The following TARS3 variants were observed in gnomAD, a reference collection of about 807,000 sequenced individuals.
TARS3 encodes the protein threonine--tRNA ligase 2, cytoplasmic.
In TARS3, 94 loss-of-function variants were observed where a neutral mutation model predicts 103.5. That is an observed-to-expected ratio of 0.91 (90% CI 0.77 to 1.08). The LOEUF (loss-of-function observed/expected upper bound fraction) is 1.08, where lower values mean the gene tolerates loss of function less well. Ranked by LOEUF, TARS3 falls within the 50% of genes least tolerant of loss-of-function variation. TARS3 has a pLI of 0.00. For synonymous variants in TARS3, 416 were observed against 355.4 expected (o/e 1.17, Z -1.92); for missense variants, 952 against 995.2 (o/e 0.96, Z 0.58).
intron 4 of TARS3, among the ~76,000 whole-genome samples, chr15:101,712,282 T>A (rs562290033): frequency 1.4e-3 from 213 of 152,254 alleles, no homozygotes; most frequent in Non-Finnish European, 2.4e-3. Flanking sequence ...TCTGTGCATG[T>A]CAGCCACGAG....
At chr15:101,675,201 G>C (rs1897971998) in intron 13 of TARS3, among the ~76,000 whole-genome samples, 1 of 152,132 alleles carries the variant, frequency 6.6e-6, no homozygotes, top group African/African-American at 2.4e-5. Context: ...GACTACGAAG[G>C]GGACTATGCA....
intron 11 of TARS3, 99 bp from the exon 12 acceptor site, chr15:101,684,336 A>C (rs1309003174): frequency 2.4e-5 from 29 of 1,201,178 alleles, no homozygotes; most frequent in Non-Finnish European, 3.1e-5. Context: ...AAGATTCATA[A>C]ACTCCTTATT....
chr15:101,721,444 C>T, intron 2 of TARS3, 122 bp from the exon 3 acceptor site: 1 of 662,768 alleles, frequency 1.5e-6, no homozygotes, highest in Non-Finnish European at 2.5e-6. Context: ...CCCAAGCTTA[C>T]CATGGTTTGA....
rs1485553708 is a variant in TARS3, at chr15:101,724,224, G to A, written c.164C>T (p.Ala55Val). 15 of 1,542,194 alleles carry A rather than the reference G, an allele frequency of 9.7e-6. No homozygotes were observed. Among genetic ancestry groups the A allele is most frequent in the East Asian group, 2.5e-5 (1 of 40,146 alleles). The change falls in exon 1 of 19, where the codon GCG becomes GTG. Residue 55 changes from alanine to valine, a missense_variant. Physicochemically the swap from Ala to Val is moderately conservative, Grantham distance 64 (BLOSUM62 0). Around this residue, in one of 2 missense-constraint regions of TARS3, gnomAD observed 412 missense variants for 364.2 expected, o/e 1.13. Coordinates refer to ENST00000335968, the MANE Select transcript of TARS3 (RefSeq NM_152334.3). ...AEGPCLTREV[A>V]QLRAENCDLR... ...GTCGCAGTTCTCGGCCCGGAGCTGC[G>A]CCACCTCCCGCGTGAGGCACGGCCC... is the stretch of plus-strand genomic sequence containing the variant.
intron 10 of TARS3, among the ~76,000 whole-genome samples, chr15:101,698,849 C>T (rs979008174): frequency 6.6e-6 from 1 of 152,152 alleles, no homozygotes; most frequent in Non-Finnish European, 1.5e-5. Context: ...AAGAATAGAA[C>T]ACTTTGGAAG....
At chr15:101,689,288 C>T (rs1025843056) in intron 10 of TARS3, among the ~76,000 whole-genome samples, 1 of 152,112 alleles carries the variant, frequency 6.6e-6, no homozygotes, top group Non-Finnish European at 1.5e-5. Flanking sequence ...TCAGTGGGAG[C>T]CCTGAAACCC....
intron 17 of TARS3, 86 bp downstream of exon 17, chr15:101,657,699 T>A: frequency 1.1e-6 from 1 of 885,088 alleles, no homozygotes; most frequent in South Asian, 1.9e-5. Flanking sequence ...TCTGCAATAT[T>A]TTAAAGCATG....
Position 101,654,330 on chromosome 15 carries a change from AT to A in TARS3, c.*251del, listed in dbSNP as rs1255468774. On this transcript the variant is annotated 3_prime_UTR_variant, in exon 19 of 19. Coordinates refer to ENST00000335968, the MANE Select transcript of TARS3 (RefSeq NM_152334.3). Reference sequence around the variant, plus strand: ...TTGTTTCACTTTCTCGATGAATAATATTTCCCCATTTAAGTTTCTCAAGGCA... The same window carrying A: ...TTGTTTCACTTTCTCGATGAATAATATTCCCCATTTAAGTTTCTCAAGGCA... 5.2e-6 allele frequency: 2 copies of A among 385,648 alleles called. No homozygotes were observed. The highest frequency in any genetic ancestry group is 9.1e-6 in the Non-Finnish European group (2 of 219,822). 23.9% of individuals were successfully genotyped at this position (385,648 alleles called of 1,614,324 possible). A position where few individuals can be genotyped will look rare whatever the true frequency, so the allele number is the denominator to read the frequency against.
At chr15:101,706,560 T>C (rs749483941) in intron 6 of TARS3, among the ~76,000 whole-genome samples, 38 of 152,356 alleles carry the variant, frequency 2.5e-4, no homozygotes, top group Non-Finnish European at 1.6e-4. Context: ...AGTACTGTTC[T>C]AGAAGATCTA....
intron 12 of TARS3, among the ~76,000 whole-genome samples, chr15:101,677,167 TACA>T (rs1057442287): frequency 7.2e-5 from 11 of 152,210 alleles, no homozygotes; most frequent in African/African-American, 2.7e-4. Context: ...TGGCCACCCT[TACA>T]ACATTTATTT....
In TARS3 at chr15:101,685,812, C is replaced by T. The variant is rs1357532205; in HGVS notation, c.1487+84G>A. On this transcript the variant is annotated intron_variant, in intron 11 of 18. Coordinates refer to ENST00000335968, the MANE Select transcript of TARS3 (RefSeq NM_152334.3). ...ACTCTTCAGATTAAAGGGACTCTTT[C>T]ATTCCACAAAGCATTAAAAGATAAT... 3 of 1,155,782 alleles carry T rather than the reference C, an allele frequency of 2.6e-6. No individual in the cohort carries two copies. In the African/African-American group the frequency reaches 4.7e-5, roughly 18 times the overall value. 71.6% of individuals were successfully genotyped at this position (1,155,782 alleles called of 1,614,324 possible).
intron 18 of TARS3, chr15:101,655,900 C>A: frequency 7.8e-7 from 1 of 1,288,804 alleles, no homozygotes; most frequent in South Asian, 1.2e-5. Flanking sequence ...CAGACCCATG[C>A]GAGCCAGCCA....
Position 101,654,060 on chromosome 15 carries a change from CCTTTGTCAGTAATCCAAT to C in TARS3, c.*504_*521del, listed in dbSNP as rs1218507013. Reference sequence around the variant, plus strand: ...ACACCAGATTCCACAAAACTGAATTCCTTTGTCAGTAATCCAATATTTAGCAGTAGCTGCTGCTTTTGT... The same window carrying C: ...ACACCAGATTCCACAAAACTGAATTCATTTAGCAGTAGCTGCTGCTTTTGT... On this transcript the variant is annotated 3_prime_UTR_variant, in exon 19 of 19. Transcript: ENST00000335968. The C allele has an allele frequency of 6.6e-6, 1 of 152,612 alleles. No individual in the cohort carries two copies. Among genetic ancestry groups the C allele is most frequent in the African/African-American group, 2.4e-5 (1 of 41,442 alleles). 9.5% of individuals were successfully genotyped at this position (152,612 alleles called of 1,614,324 possible).
Position 101,686,009 on chromosome 15 carries a change from G to A in TARS3, c.1374C>T (p.Asn458=), listed in dbSNP as rs1898459167. 6.2e-7 allele frequency: 1 copy of A among 1,613,794 alleles called. No individual in the cohort carries two copies. The highest frequency in any genetic ancestry group is 8.5e-7 in the Non-Finnish European group (1 of 1,179,790). Reference sequence around the variant, plus strand: ...GGCCTGAGGCTTCCCAGAGTTTACTGTTGTACATATTGGGAGAGAGCACCT... The same window carrying A: ...GGCCTGAGGCTTCCCAGAGTTTACTATTGTACATATTGGGAGAGAGCACCT... The part of the protein sequence containing the change: ...FTEVLSPNMY[N]SKLWEASGHW... The change falls in exon 11 of 19, where the codon AAC becomes AAT. Residue 458 remains asparagine, a synonymous_variant. Transcript: ENST00000335968.
At chr15:101,695,344 T>C (rs1350652663) in intron 10 of TARS3, among the ~76,000 whole-genome samples, 2 of 152,238 alleles carry the variant, frequency 1.3e-5, no homozygotes, top group Non-Finnish European at 2.9e-5. Context: ...TGTCATATAA[T>C]GGAATGGTGC....
At chr15:101,659,301 ATATT>A (rs994685614) in intron 16 of TARS3, among the ~76,000 whole-genome samples, 1 of 152,214 alleles carries the variant, frequency 6.6e-6, no homozygotes, top group Non-Finnish European at 1.5e-5. Context: ...GCATATTTAT[ATATT>A]TATTCTCAAA....
chr15:101,698,702 G>T (rs1461885831), intron 10 of TARS3, among the ~76,000 whole-genome samples: 1 of 152,220 alleles, frequency 6.6e-6, no homozygotes, highest in African/African-American at 2.4e-5. Flanking sequence ...GTCTTAAACT[G>T]TAGAGGAAAT....
chr15:101,700,897 C>T (rs770060212), intron 10 of TARS3, among the ~76,000 whole-genome samples, 189 bp downstream of exon 10: 5 of 152,150 alleles, frequency 3.3e-5, no homozygotes, highest in Non-Finnish European at 4.4e-5. Context: ...CCACCTTGGC[C>T]TCCCAAAGTG....
rs372619126 is a variant in TARS3 at position 101,702,401 on chromosome 15, G to T, written c.1075-16C>A. The stretch of plus-strand genomic sequence containing the variant: ...TTGAGGAATTCTAAATATCAAAGAG[G>T]ATTTTGGTAAATATATCATACATTC... On this transcript the variant is annotated splice_polypyrimidine_tract_variant and intron_variant, in intron 8 of 18. Coordinates refer to ENST00000335968, the MANE Select transcript of TARS3 (RefSeq NM_152334.3). The T allele has an allele frequency of 1.9e-6, 3 of 1,609,044 alleles. No homozygotes were observed. Among genetic ancestry groups the T allele is most frequent in the Non-Finnish European group, 2.6e-6 (3 of 1,175,938 alleles).
Sources: gnomAD v4.1 joint callset for allele counts (sites outside exome capture counted in the v4.1 genomes callset) on GRCh38, gnomAD v4.1.1 for gene constraint, gnomAD v4.1.1 regional missense constraint, MANE v1.5 for transcripts, NCBI Gene and HGNC (gene_info 2026-07-23, HGNC 2026-07-21) for gene names.